Variants in CELSR2 observed in about 807,000 individuals in gnomAD.
CELSR2 encodes the protein EGF-like protein 2.
Under a neutral mutation model 251.6 loss-of-function variants are expected in CELSR2, and 81 were observed. The ratio of observed to expected loss-of-function variants is 0.32; its 90% CI spans 0.27 to 0.39. The LOEUF (loss-of-function observed/expected upper bound fraction) is 0.39, where lower values mean the gene tolerates loss of function less well. CELSR2 is among the 10% of genes least tolerant of loss of function. CELSR2 has a pLI of 1.00. For missense variants in CELSR2, 3,365 were observed against 3,947.7 expected (o/e 0.85, Z 3.96); for synonymous variants, 1,721 against 1,670.5 (o/e 1.03, Z -0.74).
In CELSR2 at chr1:109,272,415, G is replaced by A. The variant is rs372059046; in HGVS notation, c.8054+10G>A. ...TCCCCTTCTTGCTGAGGTGAATCCCGGAGATGGGAGGGTGGAGGAGGGGAG... is the reference window on the plus strand; with the variant it reads ...TCCCCTTCTTGCTGAGGTGAATCCCAGAGATGGGAGGGTGGAGGAGGGGAG... On this transcript the variant is annotated intron_variant, in intron 29 of 33. Coordinates refer to ENST00000271332, the MANE Select transcript of CELSR2 (RefSeq NM_001408.3). 1.2e-4 allele frequency: 190 copies of A among 1,601,418 alleles called. No individual in the cohort carries two copies. Among genetic ancestry groups the A allele is most frequent in the Middle Eastern group, 3.3e-4 (2 of 6,010 alleles).
chr1:109,267,132 C>T (rs1163973832), intron 15 of CELSR2, among the ~76,000 whole-genome samples: 1 of 152,102 alleles, frequency 6.6e-6, no homozygotes, highest in Non-Finnish European at 1.5e-5. Flanking sequence ...CAGCTCACCA[C>T]CGAGTCCTGG....
In CELSR2 at chr1:109,274,677, G is replaced by A. The variant is rs41279722; in HGVS notation, c.*628G>A. 1 of 153,158 alleles carries A rather than the reference G, an allele frequency of 6.5e-6. No individual in the cohort carries two copies. The highest frequency in any genetic ancestry group is 2.4e-5 in the African/African-American group (1 of 41,454). The allele number at this position is 153,158 out of a possible 1,614,324, so 9.5% of individuals were successfully genotyped here. A position where few individuals can be genotyped will look rare whatever the true frequency, so the allele number is the denominator to read the frequency against. ...GAACTGGAAAAGCCCTGTCCGGTGA[G>A]GGGGCAGAAGGACTCAGCGCCCCTG... On this transcript the variant is annotated 3_prime_UTR_variant, in exon 34 of 34. Transcript: ENST00000271332.
chr1:109,269,085 T>A lies in CELSR2; in HGVS notation c.6632-25T>A. 2 of 1,597,726 alleles carry A rather than the reference T, an allele frequency of 1.3e-6. No homozygotes were observed. The highest frequency in any genetic ancestry group is 1.7e-6 in the Non-Finnish European group (2 of 1,170,052). On this transcript the variant is annotated intron_variant, in intron 19 of 33. Transcript: ENST00000271332. This position sits in a 1 kb window ranked among gnomAD's most constrained non-coding sequence, Gnocchi z 6.4. ...GACTCCACAGAGAGCAGGGCCCAGCTAAGTGTGACAGTGTCCCCTCCCAGA... is the reference window on the plus strand; with the variant it reads ...GACTCCACAGAGAGCAGGGCCCAGCAAAGTGTGACAGTGTCCCCTCCCAGA...
At chr1:109,258,390 T>C (rs1013319795) in intron 1 of CELSR2, 42 bp from the exon 2 acceptor site, 1 of 1,447,990 alleles carries the variant, frequency 6.9e-7, no homozygotes, top group Non-Finnish European at 9.3e-7. Context: ...GCAGGCTGAA[T>C]TGCAGCCCCA....
Position 109,250,651 on chromosome 1 carries a change from C to T in CELSR2, c.572C>T (p.Pro191Leu), listed in dbSNP as rs201031007. 149 of 1,614,028 alleles carry T rather than the reference C, an allele frequency of 9.2e-5. 1 individual carries two copies. The highest frequency in any genetic ancestry group is 3.3e-4 in the Middle Eastern group (2 of 6,062). ...CCCCCCAGCTACCAGGCCACAGTGC[C>T]GGAGAACCAGCCAGCAGGCACCCCT... Reference protein sequence around the residue: ...FQPPSYQATVPENQPAGTPVA... With the variant: ...FQPPSYQATVLENQPAGTPVA... Residue 191 changes from proline (P) to leucine (L), a missense_variant, in exon 1 of 34, where the codon CCG (proline) becomes CTG (leucine). By Grantham distance (98) the Pro-to-Leu change is moderately conservative. Coordinates refer to ENST00000271332, the MANE Select transcript of CELSR2 (RefSeq NM_001408.3). The surrounding 1 kb of genome is among the most constrained non-coding windows in gnomAD (Gnocchi z 4.4).
At chr1:109,263,509 G>T in intron 8 of CELSR2, 102 bp from the exon 9 acceptor site, 1 of 1,497,794 alleles carries the variant, frequency 6.7e-7, no homozygotes, top group South Asian at 1.3e-5. Context: ...CTGATGAGGG[G>T]AGTGGGCTCT....
Position 109,251,409 on chromosome 1 carries a change from C to T in CELSR2, c.1330C>T (p.Arg444Trp), listed in dbSNP as rs749186325. The change falls in exon 1 of 34, where the codon CGG becomes TGG. Residue 444 changes from arginine to tryptophan, a missense_variant. By Grantham distance (101) the Arg-to-Trp change is moderately radical. Transcript: ENST00000271332. The surrounding 1 kb of genome is among the most constrained non-coding windows in gnomAD (Gnocchi z 4.9). ...CTATAGCATCATGAGTGGCAATGCT[C>T]GGGGACAGTTTTATCTGGATGCCCA... ...VHYSIMSGNA[R>W]GQFYLDAQTG... 1.8e-5 allele frequency: 29 copies of T among 1,613,812 alleles called. No individual in the cohort carries two copies. The highest frequency in any genetic ancestry group is 3.3e-5 in the South Asian group (3 of 91,086).
chr1:109,270,234 G>T, intron 23 of CELSR2, 101 bp downstream of exon 23: 1 of 1,364,372 alleles, frequency 7.3e-7, no homozygotes, highest in Non-Finnish European at 1.0e-6. Context: ...CTCTAATAAG[G>T]TGCCTAGTGC....
At chr1:109,264,746 A>G in intron 11 of CELSR2, 118 bp downstream of exon 11, 1 of 1,580,802 alleles carries the variant, frequency 6.3e-7, no homozygotes, top group Non-Finnish European at 8.6e-7. Flanking sequence ...TTAGTTGCCT[A>G]CACAACAAAG....
rs369571270 is a variant in CELSR2 at position 109,252,164 on chromosome 1, G to C, written c.2085G>C (p.Thr695=). The change falls in exon 1 of 34, where the codon ACG becomes ACC. Residue 695 remains threonine, a synonymous_variant. Coordinates refer to ENST00000271332, the MANE Select transcript of CELSR2 (RefSeq NM_001408.3). The surrounding 1 kb of genome is among the most constrained non-coding windows in gnomAD (Gnocchi z 4.8). ...VTASDGTRQD[T]AQIVVNVTDA... ...CCTCCGATGGCACTCGGCAGGACAC[G>C]GCACAGATTGTGGTGAATGTCACCG... 6.8e-6 allele frequency: 11 copies of C among 1,613,828 alleles called. No individual in the cohort carries two copies. The highest frequency in any genetic ancestry group is 5.5e-5 in the South Asian group (5 of 91,084).
rs1656328869 is a variant in CELSR2, at chr1:109,270,147, A to G, written c.7308+14A>G. The G allele has an allele frequency of 1.2e-6, 2 of 1,612,574 alleles. No individual in the cohort carries two copies. Among genetic ancestry groups the G allele is most frequent in the Non-Finnish European group, 8.5e-7 (1 of 1,179,592 alleles). ...GCTGACCTCCCTGTAAGATGCTCCT[A>G]CTGCCCAGAAACTGTCCCCACCTTC... On this transcript the variant is annotated intron_variant, in intron 23 of 33. Coordinates refer to ENST00000271332, the MANE Select transcript of CELSR2 (RefSeq NM_001408.3).
At chr1:109,262,666 A>C (rs2101256352) in intron 6 of CELSR2, 140 bp from the exon 7 acceptor site, 1 of 1,408,854 alleles carries the variant, frequency 7.1e-7, no homozygotes, top group Admixed American at 2.2e-5. Context: ...GGTAGGGGTG[A>C]CGCCCTTCCT....
At chr1:109,271,567 A>G (rs760466845) in intron 27 of CELSR2, 33 bp from the exon 28 acceptor site, 2 of 1,614,096 alleles carry the variant, frequency 1.2e-6, no homozygotes, top group South Asian at 2.2e-5. Flanking sequence ...ATGCCTGAAT[A>G]TGCACAGACC....
intron 9 of CELSR2, 60 bp downstream of exon 9, chr1:109,263,837 C>T (rs79870677): frequency 1.9e-6 from 3 of 1,571,344 alleles, no homozygotes; most frequent in East Asian, 2.2e-5. Context: ...AGCCTCTAGG[C>T]GGCTGGACAG....
At position 109,274,112 on chromosome 1, in the gene CELSR2, C is replaced by T. The variant is rs1656457237; in HGVS notation, c.*63C>T. ...CTTCCCCAGCCGCACTCATGCCCTG[C>T]TCCTGTCTTGTGCTTTATCCTGCCC... On this transcript the variant is annotated 3_prime_UTR_variant, in exon 34 of 34. Transcript: ENST00000271332. 6.2e-7 allele frequency: 1 copy of T among 1,613,250 alleles called. No homozygotes were observed. Among genetic ancestry groups the T allele is most frequent in the Admixed American group, 1.7e-5 (1 of 59,992 alleles).
In CELSR2 at chr1:109,249,885, A is replaced by C; in HGVS notation, c.-195A>C. On this transcript the variant is annotated 5_prime_UTR_variant, in exon 1 of 34. Transcript: ENST00000271332. ...CGGGAGCGGGTCTGGCTCAGGGGGC[A>C]GTGGGAGCCCGGGCTCGTCGGAGGG... 6 of 339,858 alleles carry C rather than the reference A, an allele frequency of 1.8e-5. No homozygotes were observed. Among genetic ancestry groups the C allele is most frequent in the East Asian group, 7.1e-5 (1 of 14,124 alleles). The allele number at this position is 339,858 out of a possible 1,614,324, so 21.1% of individuals were successfully genotyped here. A position where few individuals can be genotyped will look rare whatever the true frequency, so the allele number is the denominator to read the frequency against.
At position 109,251,487 on chromosome 1, in the gene CELSR2, T is replaced by C; in HGVS notation, c.1408T>C (p.Tyr470His). The C allele has an allele frequency of 1.9e-6, 3 of 1,613,432 alleles. No homozygotes were observed. Among genetic ancestry groups the C allele is most frequent in the Non-Finnish European group, 2.5e-6 (3 of 1,179,944 alleles). Reference sequence around the variant, plus strand: ...TCTTGACTATGAGACGACCAAGGAGTACACCCTACGGGTGCGAGCACAGGA... The same window carrying C: ...TCTTGACTATGAGACGACCAAGGAGCACACCCTACGGGTGCGAGCACAGGA... ...SPLDYETTKE[Y>H]TLRVRAQDGG... The change falls in exon 1 of 34, where the codon TAC (tyrosine) becomes CAC (histidine). Residue 470 changes from tyrosine (Y) to histidine (H), a missense_variant. Transcript: ENST00000271332. The surrounding 1 kb of genome is among the most constrained non-coding windows in gnomAD (Gnocchi z 4.9).
In CELSR2 at chr1:109,261,534, C is replaced by A. The variant is rs145346551; in HGVS notation, c.4203C>A (p.Asp1401Glu). The A allele has an allele frequency of 1.9e-6, 3 of 1,614,068 alleles. No homozygotes were observed. Among genetic ancestry groups the A allele is most frequent in the Non-Finnish European group, 2.5e-6 (3 of 1,180,020 alleles). Residue 1401 changes from aspartate to glutamate, a missense_variant, in exon 4 of 34, where the codon GAC becomes GAA. Around this residue, in one of 5 missense-constraint regions of CELSR2, gnomAD observed 2,093 missense variants for 2,382.8 expected, o/e 0.88. Transcript: ENST00000271332. The surrounding 1 kb of genome is among the most constrained non-coding windows in gnomAD (Gnocchi z 4.8). ...LALSFATKER[D>E]GLLLYNGRFN... ...TCAGGTTTGCCACAAAGGAGCGCGA[C>A]GGGTTGCTGTTGTACAATGGGCGTT... is the stretch of plus-strand genomic sequence containing the variant.
chr1:109,250,107 C>G lies in CELSR2; in HGVS notation c.28C>G (p.Leu10Val). ...GCGGAGCCCGGCCACCGGCGTCCCCCTCCCAACGCCGCCGCCGCCGCTGCT... is the reference window on the plus strand; with the variant it reads ...GCGGAGCCCGGCCACCGGCGTCCCCGTCCCAACGCCGCCGCCGCCGCTGCT... MRSPATGVP[L>V]PTPPPPLLLL... is the part of the protein sequence containing the mutation. Residue 10 changes from leucine (L) to valine (V), a missense_variant, in exon 1 of 34, where the codon CTC (leucine) becomes GTC (valine). By Grantham distance (32) the Leu-to-Val change is conservative. Transcript: ENST00000271332. This position sits in a 1 kb window ranked among gnomAD's most constrained non-coding sequence, Gnocchi z 4.4. 1 of 1,556,254 alleles carries G rather than the reference C, an allele frequency of 6.4e-7. No homozygotes were observed.
Sources: gnomAD v4.1 joint callset for allele counts (sites outside exome capture counted in the v4.1 genomes callset) on GRCh38, gnomAD v4.1.1 for gene constraint, gnomAD v4.1.1 regional missense constraint, Gnocchi (gnomAD v3.1) non-coding constraint, MANE v1.5 for transcripts, NCBI Gene and HGNC (gene_info 2026-07-23, HGNC 2026-07-21) for gene names.